The following FSHR variants were observed in gnomAD, a reference collection of about 807,000 sequenced individuals.
FSHR encodes the protein follicle-stimulating hormone receptor.
A neutral mutation model predicts 52.1 loss-of-function variants in FSHR; 46 were observed. The observed-to-expected ratio is 0.88, with a 90% CI of 0.70 to 1.13. The LOEUF (loss-of-function observed/expected upper bound fraction) is 1.13, where lower values mean the gene tolerates loss of function less well. FSHR is among the 50% of genes most tolerant of loss of function. FSHR has a pLI of 0.00. For missense variants in FSHR, 964 were observed against 834.6 expected, an observed-to-expected ratio of 1.16 and a Z score of -1.91; for synonymous variants, 399 against 309.6, an observed-to-expected ratio of 1.29 and a Z score of -3.03.
intron 1 of FSHR, among the ~76,000 whole-genome samples, chr2:49,131,597 A>C (rs1217167427): frequency 6.6e-6 from 1 of 152,154 alleles, no homozygotes; most frequent in Admixed American, 6.6e-5. Context: ...ACCTCCACAA[A>C]TTTTTAAAAG....
chr2:49,073,710 A>C (rs2103633463), intron 1 of FSHR, among the ~76,000 whole-genome samples: 1 of 152,286 alleles, frequency 6.6e-6, no homozygotes, highest in African/African-American at 2.4e-5. Context: ...TTGTGGAACC[A>C]CAAAAGATAC....
At chr2:49,143,805 G>T (rs921423436) in intron 1 of FSHR, among the ~76,000 whole-genome samples, 2 of 152,074 alleles carry the variant, frequency 1.3e-5, no homozygotes, top group Non-Finnish European at 2.9e-5. Flanking sequence ...GTGTTACTTG[G>T]TTGACTCTAG....
At chr2:48,965,094 C>G (rs910430507) in intron 9 of FSHR, among the ~76,000 whole-genome samples, 1 of 151,986 alleles carries the variant, frequency 6.6e-6, no homozygotes, top group Non-Finnish European at 1.5e-5. Flanking sequence ...TTTTTTAAAC[C>G]TTGACATAAC....
Position 48,963,088 on chromosome 2 carries a change from A to C in FSHR, c.1733T>G (p.Ile578Ser), listed in dbSNP as rs750176361. The change falls in exon 10 of 10, where the codon ATC (isoleucine) becomes AGC (serine). Residue 578 changes from isoleucine (I) to serine (S), a missense_variant. Ile to Ser is a moderately radical substitution (Grantham distance 142). Coordinates refer to ENST00000406846, the MANE Select transcript of FSHR (RefSeq NM_000145.4). ...TGCCATGCAGAGGAAGTCAGTGAAG[A>C]TGAGCATGGCCATGCGCTTGGCGAT... is the stretch of plus-strand genomic sequence containing the variant. ...TRIAKRMAML[I>S]FTDFLCMAPI... is the part of the protein sequence containing the mutation. 6.2e-7 allele frequency: 1 copy of C among 1,614,142 alleles called. No individual in the cohort carries two copies. The highest frequency in any genetic ancestry group is 8.5e-7 in the Non-Finnish European group (1 of 1,180,008).
At chr2:49,121,659 C>T (rs144770638) in intron 1 of FSHR, among the ~76,000 whole-genome samples, 7 of 152,280 alleles carry the variant, frequency 4.6e-5, no homozygotes, top group African/African-American at 1.7e-4. Flanking sequence ...ATTCTGGATA[C>T]CTTGGTGCTT....
rs770813496 is a variant in FSHR, at chr2:48,963,355, A to G, written c.1466T>C (p.Val489Ala). Reference protein sequence around the residue: ...CKVQLRHAASVMVMGWIFAFA... With the variant: ...CKVQLRHAASAMVMGWIFAFA... ...AGCAAAAATCCAGCCCATCACCATG[A>G]CACTGGCAGCATGGCGGAGCTGCAC... is the stretch of plus-strand genomic sequence containing the variant. The change falls in exon 10 of 10, where the codon GTC becomes GCC. Residue 489 changes from valine (V) to alanine (A), a missense_variant. Coordinates refer to ENST00000406846, the MANE Select transcript of FSHR (RefSeq NM_000145.4). 3.2e-5 allele frequency: 52 copies of G among 1,613,950 alleles called. No homozygotes were observed. The highest frequency in any genetic ancestry group is 1.6e-4 in the Middle Eastern group (1 of 6,082).
chr2:49,078,971 A>T (rs1211752652), intron 1 of FSHR, among the ~76,000 whole-genome samples: 1 of 152,170 alleles, frequency 6.6e-6, no homozygotes, highest in Non-Finnish European at 1.5e-5. Flanking sequence ...ATCATTACCC[A>T]CAGAAAACAT....
At chr2:49,060,611 C>T (rs1210994370) in intron 2 of FSHR, among the ~76,000 whole-genome samples, 1 of 152,140 alleles carries the variant, frequency 6.6e-6, no homozygotes, top group Non-Finnish European at 1.5e-5. Flanking sequence ...AATGCCCTGG[C>T]CAAGCTGAAC....
rs886056150 is a variant in FSHR at position 48,963,874 on chromosome 2, T to C, written c.947A>G (p.Glu316Gly). ...QARGQRSSLA[E>G]DNESSYSRGF... ...TCTGCTGTAGCTGGACTCATTGTCT[T>C]CTGCCAGAGAGGATCTCTGACCCCT... The change falls in exon 10 of 10, where the codon GAA becomes GGA. Residue 316 changes from glutamate (E) to glycine (G), a missense_variant. Physicochemically the swap from Glu to Gly is moderately conservative, Grantham distance 98. Transcript: ENST00000406846. The C allele has an allele frequency of 6.2e-7, 1 of 1,614,028 alleles. No homozygotes were observed. The highest frequency in any genetic ancestry group is 8.5e-7 in the Non-Finnish European group (1 of 1,179,996).
chr2:49,142,973 T>A lies in FSHR; in HGVS notation c.152+11293A>T, dbSNP rs184342369. ...TATTTTCTATTTGTTGGTTTTGAGA[T>A]GCTTGTAAAAGTCAAGTGGAGAAGT... On this transcript the variant is annotated intron_variant, in intron 1 of 9. Coordinates refer to ENST00000406846, the MANE Select transcript of FSHR (RefSeq NM_000145.4). Among the ~76,000 whole-genome samples the A allele has an allele frequency of 2.6e-5, 4 of 152,308 alleles. No homozygotes were observed. In the East Asian group the frequency reaches 7.7e-4, roughly 29 times the overall value.
Position 48,963,285 on chromosome 2 carries a change from C to T in FSHR, c.1536G>A (p.Met512Ile), listed in dbSNP as rs1674315529. 4 of 1,614,018 alleles carry T rather than the reference C, an allele frequency of 2.5e-6. No homozygotes were observed. The African/African-American group carries it at 5.3e-5, about 22-fold the overall frequency. Reference sequence around the variant, plus strand: ...CCATGGGCAGGCAGATGCTCACCTTCATGTAGCTGCTGATGCCAAAGATGG... The same window carrying T: ...CCATGGGCAGGCAGATGCTCACCTTTATGTAGCTGCTGATGCCAAAGATGG... ...LFPIFGISSY[M>I]KVSICLPMDI... Residue 512 changes from methionine (M) to isoleucine (I), a missense_variant, in exon 10 of 10, where the codon ATG becomes ATA. Physicochemically the swap from Met to Ile is conservative, Grantham distance 10. Transcript: ENST00000406846.
At chr2:49,131,447 TAATC>T (rs1218866113) in intron 1 of FSHR, among the ~76,000 whole-genome samples, 4 of 152,256 alleles carry the variant, frequency 2.6e-5, no homozygotes. Flanking sequence ...AATAAATAAA[TAATC>T]AATTATTTGC....
intron 2 of FSHR, among the ~76,000 whole-genome samples, chr2:49,067,212 A>C (rs1476182526): frequency 1.3e-5 from 2 of 152,104 alleles, no homozygotes; most frequent in African/African-American, 4.8e-5. Context: ...CTAGCACTGA[A>C]ACCAGGATTC....
Position 48,988,910 on chromosome 2 carries a change from T to C in FSHR, c.524+67A>G, listed in dbSNP as rs530843354. 58 of 1,349,532 alleles carry C rather than the reference T, an allele frequency of 4.3e-5. No homozygotes were observed. The African/African-American group carries it at 7.6e-4, about 18-fold the overall frequency. 83.6% of individuals were successfully genotyped at this position (1,349,532 alleles called of 1,614,324 possible). ...CCCAAACAAAAAAGGAGCATCCAATTATGAGAAAGAGATCACTAAATGAAA... is the reference window on the plus strand; with the variant it reads ...CCCAAACAAAAAAGGAGCATCCAATCATGAGAAAGAGATCACTAAATGAAA... On this transcript the variant is annotated intron_variant, in intron 6 of 9. Coordinates refer to ENST00000406846, the MANE Select transcript of FSHR (RefSeq NM_000145.4).
chr2:49,118,311 A>T (rs10195241), intron 1 of FSHR, among the ~76,000 whole-genome samples: 37,722 of 151,864 alleles, frequency 0.25, 5,025 homozygotes, highest in East Asian at 0.47. Flanking sequence ...CTGTGAGTGG[A>T]TGGCTGAATG....
intron 8 of FSHR, among the ~76,000 whole-genome samples, chr2:48,973,397 T>A (rs962690684): frequency 6.6e-6 from 1 of 152,192 alleles, no homozygotes; most frequent in South Asian, 2.1e-4. Flanking sequence ...TGAGCTGACA[T>A]TGCATGGATC....
chr2:49,043,467 T>G lies in FSHR; in HGVS notation c.225-23307A>C, dbSNP rs188155929. On this transcript the variant is annotated intron_variant, in intron 2 of 9. Transcript: ENST00000406846. Reference sequence around the variant, plus strand: ...ACATATAAATCTCACATTTCTCTGGTTCCCATGAGCCAAACCTAAGTTATG... The same window carrying G: ...ACATATAAATCTCACATTTCTCTGGGTCCCATGAGCCAAACCTAAGTTATG... 2.6e-5 allele frequency among the ~76,000 whole-genome samples: 4 copies of G among 152,342 alleles called. No individual in the cohort carries two copies. The East Asian group carries it at 5.8e-4, about 22-fold the overall frequency.
intron 2 of FSHR, among the ~76,000 whole-genome samples, chr2:49,021,712 G>A (rs1343277724): frequency 1.3e-5 from 2 of 151,292 alleles, no homozygotes; most frequent in Admixed American, 1.3e-4. Context: ...CCATGAATGA[G>A]GAGACATTAT....
intron 1 of FSHR, among the ~76,000 whole-genome samples, chr2:49,075,114 A>T (rs1669899740): frequency 6.6e-6 from 1 of 152,182 alleles, no homozygotes; most frequent in Non-Finnish European, 1.5e-5. Context: ...AATAATCTCT[A>T]GTGTTCTATA....
Sources: allele counts gnomAD v4.1 joint callset (sites outside exome capture counted in the v4.1 genomes callset), GRCh38; gene constraint gnomAD v4.1.1; transcripts MANE v1.5; gene names NCBI Gene and HGNC (gene_info 2026-07-23, HGNC 2026-07-21).